The following HM13 variants were observed in gnomAD, a reference collection of about 807,000 sequenced individuals.
The protein encoded by HM13 is histocompatibility minor 13, also known as signal peptide peptidase.
Under a neutral mutation model 50.0 loss-of-function variants are expected in HM13, and 18 were observed. The ratio of observed to expected loss-of-function variants is 0.36; its 90% confidence interval spans 0.25 to 0.53. The LOEUF (loss-of-function observed/expected upper bound fraction) is 0.53. HM13 is among the 20% of genes least tolerant of loss of function. HM13 has a pLI of 0.90. For missense variants in HM13, 393 were observed against 552.4 expected (o/e 0.71, Z 2.89); for synonymous variants, 197 against 232.6 (o/e 0.85, Z 1.39).
chr20:31,539,179 G>A (rs1243228506), intron 3 of HM13: 1 of 985,354 alleles, frequency 1.0e-6, no homozygotes, highest in African/African-American at 1.7e-5. Flanking sequence ...TCTCCATTCT[G>A]CAGGACTATC....
chr20:31,553,997 T>TA (rs1984164291), intron 7 of HM13, among the ~76,000 whole-genome samples: 1 of 152,000 alleles, frequency 6.6e-6, no homozygotes, highest in Non-Finnish European at 1.5e-5. Flanking sequence ...TCAATAGCTA[T>TA]AAAAAGGCGT....
intron 10 of HM13, among the ~76,000 whole-genome samples, chr20:31,562,123 A>T (rs1257932951): frequency 6.6e-6 from 1 of 152,196 alleles, no homozygotes; most frequent in Non-Finnish European, 1.5e-5. Flanking sequence ...GGCAGAGAAG[A>T]ACAGGATTGG....
intron 3 of HM13, among the ~76,000 whole-genome samples, chr20:31,543,713 C>T (rs1407665955): frequency 6.6e-6 from 1 of 151,694 alleles, no homozygotes; most frequent in African/African-American, 2.4e-5. Flanking sequence ...GGGCGAATCA[C>T]GAGGTCAGGA....
At chr20:31,536,259 A>G (rs1983100208) in intron 2 of HM13, among the ~76,000 whole-genome samples, 1 of 152,170 alleles carries the variant, frequency 6.6e-6, no homozygotes, top group Non-Finnish European at 1.5e-5. Flanking sequence ...GCCACTTGGG[A>G]GGCTGAGGCA....
chr20:31,527,429 C>G (rs1011206483), intron 1 of HM13, 55 bp from the exon 2 acceptor site: 7 of 1,257,130 alleles, frequency 5.6e-6, no homozygotes, highest in Non-Finnish European at 8.1e-6. Context: ...CAGAGCCTTG[C>G]AGGAACATAT....
Position 31,514,746 on chromosome 20 carries a change from G to C in HM13, c.183+12G>C. On this transcript the variant is annotated intron_variant, in intron 1 of 12. Coordinates refer to ENST00000398174, the MANE Select transcript of HM13 (RefSeq NM_178581.3). The surrounding 1 kb of genome is among the most constrained non-coding windows in gnomAD (Gnocchi z 4.3). ...GCGCCCGCGGCAAGGTAGGGTCAGC[G>C]GGAAAACCGGGCACTTTCCACCCCC... 2 of 1,512,070 alleles carry C rather than the reference G, an allele frequency of 1.3e-6. No individual in the cohort carries two copies. The highest frequency in any genetic ancestry group is 2.5e-5 in the South Asian group (2 of 79,382). The allele number at this position is 1,512,070 out of a possible 1,614,324, so 93.7% of individuals were successfully genotyped here.
chr20:31,522,113 A>G (rs1022984230), intron 1 of HM13, among the ~76,000 whole-genome samples: 1 of 152,090 alleles, frequency 6.6e-6, no homozygotes, highest in Non-Finnish European at 1.5e-5. Flanking sequence ...CTTCCCACCC[A>G]GGGTGCTGAG....
chr20:31,561,077 A>G (rs551925084), intron 9 of HM13, among the ~76,000 whole-genome samples: 1 of 152,362 alleles, frequency 6.6e-6, no homozygotes, highest in Admixed American at 6.5e-5. Context: ...TTATTCATGC[A>G]GCCAGCATCT....
intron 7 of HM13, among the ~76,000 whole-genome samples, chr20:31,550,890 A>G (rs1414670436): frequency 6.6e-6 from 1 of 152,090 alleles, no homozygotes; most frequent in Non-Finnish European, 1.5e-5. Flanking sequence ...AAGCAGGAGG[A>G]TCACTTGAGC....
At chr20:31,568,655 C>T (rs1319271156) in intron 12 of HM13, among the ~76,000 whole-genome samples, 3 of 152,180 alleles carry the variant, frequency 2.0e-5, no homozygotes, top group Non-Finnish European at 4.4e-5. Context: ...GAAGCTAAGC[C>T]AGGGTGTCTG....
intron 1 of HM13, among the ~76,000 whole-genome samples, chr20:31,527,072 G>A (rs1982531010): frequency 6.6e-6 from 1 of 152,164 alleles, no homozygotes; most frequent in African/African-American, 2.4e-5. Flanking sequence ...CAGGCATGGT[G>A]GTTCATACCT....
chr20:31,561,101 A>G (rs1296104303), intron 9 of HM13, among the ~76,000 whole-genome samples: 3 of 152,234 alleles, frequency 2.0e-5, no homozygotes, highest in African/African-American at 7.2e-5. Flanking sequence ...TAGTACCACA[A>G]ATAGGCTATT....
chr20:31,559,460 T>C (rs556917158), intron 8 of HM13, 151 bp from the exon 9 acceptor site: 1 of 802,664 alleles, frequency 1.2e-6, no homozygotes, highest in Non-Finnish European at 2.2e-6. Flanking sequence ...AATGGGACTT[T>C]CTGCTGTCAC....
chr20:31,543,245 C>T (rs893077546), intron 3 of HM13, among the ~76,000 whole-genome samples: 4 of 152,188 alleles, frequency 2.6e-5, no homozygotes, highest in Non-Finnish European at 5.9e-5. Flanking sequence ...TAGGAGGGAT[C>T]GGCTCTTTGA....
chr20:31,524,530 G>T (rs541372890), intron 1 of HM13, among the ~76,000 whole-genome samples: 1 of 152,142 alleles, frequency 6.6e-6, no homozygotes, highest in Non-Finnish European at 1.5e-5. Context: ...GGCAGTGTGG[G>T]AGACTACATC....
chr20:31,553,445 A>G (rs1984136853), intron 7 of HM13, among the ~76,000 whole-genome samples: 2 of 152,204 alleles, frequency 1.3e-5, no homozygotes, highest in African/African-American at 4.8e-5. Context: ...CTGGATTAGT[A>G]AAGAAGGCAT....
At chr20:31,517,538 A>G (rs1253176450) in intron 1 of HM13, among the ~76,000 whole-genome samples, 2 of 152,108 alleles carry the variant, frequency 1.3e-5, no homozygotes, top group Non-Finnish European at 2.9e-5. Context: ...ACCAAGGAGA[A>G]ACAGACATGT....
rs1168859802 is a variant in HM13, at chr20:31,569,278, C to T, written c.*59C>T. On this transcript the variant is annotated 3_prime_UTR_variant, in exon 13 of 13. Transcript: ENST00000398174. The stretch of plus-strand genomic sequence containing the variant: ...CAGACAGATGGGGGCTGGGCCCACA[C>T]AGGCGTGCACCGGTAGAGGGCACAG... 2 of 1,213,458 alleles carry T rather than the reference C, an allele frequency of 1.6e-6. No homozygotes were observed. The highest frequency in any genetic ancestry group is 1.3e-5 in the South Asian group (1 of 78,116). 75.2% of individuals were successfully genotyped at this position (1,213,458 alleles called of 1,614,324 possible).
chr20:31,554,317 G>A (rs1356085588), intron 7 of HM13, among the ~76,000 whole-genome samples: 5 of 151,740 alleles, frequency 3.3e-5, no homozygotes, highest in South Asian at 2.1e-4. Flanking sequence ...AGCCAAGATC[G>A]TGCCACTGCA....
Sources: allele counts gnomAD v4.1 joint callset (sites outside exome capture counted in the v4.1 genomes callset), GRCh38; gene constraint gnomAD v4.1.1; non-coding constraint Gnocchi (gnomAD v3.1); transcripts MANE v1.5; gene names NCBI Gene and HGNC (gene_info 2026-07-23, HGNC 2026-07-21).